NRG4: variants seen among roughly 807,000 people sequenced by gnomAD.
NRG4 encodes pro-neuregulin-4, membrane-bound isoform.
Under a neutral mutation model 15.0 loss-of-function variants are expected in NRG4, and 10 were observed. The ratio of observed to expected loss-of-function variants is 0.67; its 90% CI spans 0.41 to 1.13. The LOEUF (loss-of-function observed/expected upper bound fraction) is 1.13. NRG4 is among the 50% of genes most tolerant of loss of function. NRG4 has a pLI of 0.00. For missense variants in NRG4, 139 were observed against 140.2 expected (o/e 0.99, Z 0.04); for synonymous variants, 41 against 50.1 (o/e 0.82, Z 0.77).
intron 3 of NRG4, among the ~76,000 whole-genome samples, chr15:75,994,843 A>G (rs1204881635): frequency 1.3e-5 from 2 of 152,336 alleles, no homozygotes; most frequent in African/African-American, 2.4e-5. Context: ...GTCTATTTGC[A>G]TTGCTGTAAA....
chr15:76,039,699 T>C (rs2035683853), intron 4 of NRG4, among the ~76,000 whole-genome samples: 1 of 152,076 alleles, frequency 6.6e-6, no homozygotes, highest in African/African-American at 2.4e-5. Flanking sequence ...TTCAAAGGGA[T>C]AATAAGAGAG....
rs1212408621 is a variant in NRG4, at chr15:76,049,000, C to A, written c.-105+3067G>T. On this transcript the variant is annotated intron_variant, in intron 4 of 8. Coordinates refer to the NRG4 transcript ENST00000563910. ...GTGGAGGTGCAGTGAGCTGAGATCA[C>A]GCCACTGTACTCCAGCCTGGGGGAT... Among the ~76,000 whole-genome samples, 3 of 149,916 alleles carry A rather than the reference C, an allele frequency of 2.0e-5. No individual in the cohort carries two copies. In the South Asian group the frequency reaches 6.3e-4, roughly 31 times the overall value.
intron 5 of NRG4, among the ~76,000 whole-genome samples, chr15:75,947,382 C>T (rs912041465): frequency 1.4e-4 from 22 of 152,300 alleles, no homozygotes; most frequent in African/African-American, 5.3e-4. Context: ...AGGGAGTCTC[C>T]CTAGTGCCAG....
At chr15:75,952,913 T>C (rs2031995673) in intron 5 of NRG4, among the ~76,000 whole-genome samples, 1 of 152,220 alleles carries the variant, frequency 6.6e-6, no homozygotes, top group Admixed American at 6.5e-5. Context: ...TCAGATCATA[T>C]GTATAAGTCT....
intron 5 of NRG4, among the ~76,000 whole-genome samples, chr15:75,953,057 C>T (rs893822374): frequency 2.0e-5 from 3 of 151,940 alleles, no homozygotes; most frequent in Non-Finnish European, 4.4e-5. Context: ...TCTTTTGTTG[C>T]TTGTACTTTT....
intron 4 of NRG4, among the ~76,000 whole-genome samples, chr15:76,044,044 G>A (rs1358259308): frequency 6.6e-6 from 1 of 151,944 alleles, no homozygotes; most frequent in East Asian, 1.9e-4. Flanking sequence ...AGGCGGGACT[G>A]CGGACTGCAG....
chr15:76,058,455 T>TATAG (rs111562352), intron 1 of NRG4, among the ~76,000 whole-genome samples: 9,231 of 152,250 alleles, frequency 0.061, 608 homozygotes, highest in African/African-American at 0.17. Flanking sequence ...ATACTCCCTG[T>TATAG]ATAGATATTC....
chr15:75,944,219 GT>G (rs1486964331), intron 5 of NRG4, among the ~76,000 whole-genome samples: 4 of 152,266 alleles, frequency 2.6e-5, no homozygotes, highest in African/African-American at 9.6e-5. Flanking sequence ...CTAAACCTCA[GT>G]TTTCTCATTG....
Position 75,961,848 on chromosome 15 carries a change from TC to T in NRG4, c.230del (p.Gly77GlufsTer25). 1 of 1,613,270 alleles carries T rather than the reference TC, an allele frequency of 6.2e-7. No homozygotes were observed. Among genetic ancestry groups the T allele is most frequent in the Non-Finnish European group, 8.5e-7 (1 of 1,179,502 alleles). On this transcript the variant is annotated frameshift_variant, in exon 4 of 6. Transcript: ENST00000394907. LOFTEE classifies it high-confidence loss of function. ...CTTACCTGCAAAGGAAGTAGAAGGC[TC>T]CAATGATAAGTGTTACTAGGACCGC... ...ALAVLVTLII[G>X]AFYFLCRKGH... is the part of the protein sequence containing the mutation.
intron 3 of NRG4, among the ~76,000 whole-genome samples, chr15:75,988,412 C>G (rs1462350056): frequency 6.6e-6 from 1 of 152,190 alleles, no homozygotes; most frequent in Non-Finnish European, 1.5e-5. Flanking sequence ...GTCTCGAACT[C>G]CTGACCTCAA....
intron 5 of NRG4, among the ~76,000 whole-genome samples, chr15:75,952,067 AT>A (rs1273276223): frequency 6.6e-6 from 1 of 152,120 alleles, no homozygotes; most frequent in Non-Finnish European, 1.5e-5. Flanking sequence ...ATAGTTACTG[AT>A]TTTTTATGGT....
chr15:75,972,502 G>T (rs997624418), intron 3 of NRG4, among the ~76,000 whole-genome samples: 2 of 152,138 alleles, frequency 1.3e-5, no homozygotes, highest in Non-Finnish European at 2.9e-5. Flanking sequence ...TATGGTTTTA[G>T]GTCTTACGTT....
At chr15:76,036,165 A>T (rs578176530) in intron 4 of NRG4, among the ~76,000 whole-genome samples, 2 of 152,216 alleles carry the variant, frequency 1.3e-5, no homozygotes, top group Non-Finnish European at 2.9e-5. Context: ...AGACAAAAAG[A>T]CTGAGTCAGG....
intron 3 of NRG4, among the ~76,000 whole-genome samples, chr15:75,980,190 A>G (rs2033549153): frequency 6.6e-6 from 1 of 152,212 alleles, no homozygotes; most frequent in Admixed American, 6.5e-5. Flanking sequence ...AGTTCATTTC[A>G]GAACAAAAAT....
intron 4 of NRG4, among the ~76,000 whole-genome samples, chr15:76,047,853 T>A (rs2035909785): frequency 6.6e-6 from 1 of 151,060 alleles, no homozygotes; most frequent in South Asian, 2.1e-4. Flanking sequence ...AAATTAATAA[T>A]TCATCAAGAA....
Position 75,941,282 on chromosome 15 carries a change from C to T in NRG4, c.*2356G>A, listed in dbSNP as rs565880522. ...CTCTTATTAAAATTAAAAAAACACA[C>T]AAGTGTTGGCAAGGATGTGGAGAAA... On this transcript the variant is annotated 3_prime_UTR_variant, in exon 6 of 6. Coordinates refer to ENST00000394907, the MANE Select transcript of NRG4 (RefSeq NM_138573.4). 4 of 152,154 alleles carry T rather than the reference C, an allele frequency of 2.6e-5. No homozygotes were observed. Among genetic ancestry groups the T allele is most frequent in the Admixed American group, 2.6e-4 (4 of 15,286 alleles). 9.4% of individuals were successfully genotyped at this position (152,154 alleles called of 1,614,324 possible).
At chr15:76,035,476 T>A (rs1341745882) in intron 5 of NRG4, among the ~76,000 whole-genome samples, 2 of 152,168 alleles carry the variant, frequency 1.3e-5, no homozygotes, top group African/African-American at 4.8e-5. Context: ...GAATGGGTAT[T>A]ATGGAAGCCA....
chr15:76,001,673 T>C (rs1398769909), intron 3 of NRG4, among the ~76,000 whole-genome samples: 1 of 152,234 alleles, frequency 6.6e-6, no homozygotes, highest in Non-Finnish European at 1.5e-5. Flanking sequence ...CATTTGTATT[T>C]CCTTGAATTT....
intron 4 of NRG4, 112 bp from the exon 5 acceptor site, chr15:75,956,123 C>G (rs1480111216): frequency 1.6e-6 from 1 of 642,192 alleles, no homozygotes; most frequent in East Asian, 2.8e-5. Flanking sequence ...CCCCTTTTTA[C>G]AACACATCAA....
Sources: gnomAD v4.1 joint callset for allele counts (sites outside exome capture counted in the v4.1 genomes callset) on GRCh38, gnomAD v4.1.1 for gene constraint, MANE v1.5 for transcripts, NCBI Gene and HGNC (gene_info 2026-07-23, HGNC 2026-07-21) for gene names.